Variants in CLVS1 observed in about 807,000 individuals in gnomAD.
CLVS1 encodes clavesin 1.
CLVS1 carries 10 observed loss-of-function variants against 33.1 expected under a neutral mutation model. The ratio of observed to expected loss-of-function variants is 0.30; its 90% CI spans 0.19 to 0.51. CLVS1 has a LOEUF of 0.51. CLVS1 is among the 20% of genes least tolerant of loss of function. The probability of loss-of-function intolerance (pLI) is 0.97; values close to 1 mark genes in which losing one functional copy is unlikely to be tolerated. For synonymous variants in CLVS1, 163 were observed against 166.1 expected, an observed-to-expected ratio of 0.98 and a Z score of 0.14; for missense variants, 343 against 433.4, an observed-to-expected ratio of 0.79 and a Z score of 1.85.
upstream of CLVS1, among the ~76,000 whole-genome samples, chr8:61,283,003 G>T (rs1405165945): frequency 6.6e-6 from 1 of 152,168 alleles, no homozygotes; most frequent in African/African-American, 2.4e-5. Context: ...ATATAGTCTG[G>T]ACAGGAATAT....
chr8:61,154,020 C>T (rs1585648046), intron 2 of CLVS1, among the ~76,000 whole-genome samples: 1 of 152,160 alleles, frequency 6.6e-6, no homozygotes, highest in East Asian at 1.9e-4. Context: ...GACAAAAAAT[C>T]CTATAAATCA....
chr8:61,149,161 A>G (rs1251119520), intron 2 of CLVS1, among the ~76,000 whole-genome samples: 1 of 152,212 alleles, frequency 6.6e-6, no homozygotes, highest in Non-Finnish European at 1.5e-5. Flanking sequence ...GCTGTATCCC[A>G]GGTGCCCAAG....
chr8:61,467,932 GTA>G (rs1463782953), intron 5 of CLVS1, among the ~76,000 whole-genome samples: 1 of 152,174 alleles, frequency 6.6e-6, no homozygotes, highest in African/African-American at 2.4e-5. Flanking sequence ...CCCCCACAGG[GTA>G]TGTGTGTGCA....
intron 2 of CLVS1, among the ~76,000 whole-genome samples, chr8:61,196,948 T>C (rs1318629116): frequency 6.6e-6 from 1 of 152,240 alleles, no homozygotes; most frequent in Non-Finnish European, 1.5e-5. Flanking sequence ...TCCCGGGCTC[T>C]ATCTCTTTTC....
intron 2 of CLVS1, among the ~76,000 whole-genome samples, chr8:61,275,048 G>A (rs183308685): frequency 1.8e-4 from 27 of 151,956 alleles, no homozygotes; most frequent in African/African-American, 6.0e-4. Context: ...TTGACTTCAA[G>A]CCAAAAATTA....
chr8:61,148,842 G>A (rs72654648), intron 2 of CLVS1, among the ~76,000 whole-genome samples: 2 of 152,164 alleles, frequency 1.3e-5, no homozygotes, highest in African/African-American at 4.8e-5. Context: ...TGTGTGTGCC[G>A]ACACATGTGT....
At chr8:61,361,237 G>T (rs531097495) in intron 2 of CLVS1, among the ~76,000 whole-genome samples, 1 of 152,142 alleles carries the variant, frequency 6.6e-6, no homozygotes, top group Admixed American at 6.5e-5. Context: ...AATTCAACAT[G>T]AGATTTGGTG....
At chr8:61,107,288 CT>C (rs1257638201) in intron 1 of CLVS1, among the ~76,000 whole-genome samples, 1 of 152,166 alleles carries the variant, frequency 6.6e-6, no homozygotes, top group African/African-American at 2.4e-5. Context: ...CTAGGAGACC[CT>C]TTTAGTTGGT....
chr8:61,440,595 T>C (rs1816503074), intron 3 of CLVS1, among the ~76,000 whole-genome samples: 1 of 152,236 alleles, frequency 6.6e-6, no homozygotes, highest in South Asian at 2.1e-4. Context: ...GGGAATATTG[T>C]TTAGGTTGCA....
intron 3 of CLVS1, among the ~76,000 whole-genome samples, chr8:61,451,619 C>T (rs1474527657): frequency 2.6e-5 from 4 of 152,054 alleles, no homozygotes; most frequent in Non-Finnish European, 4.4e-5. Context: ...TTAAGAAATG[C>T]TCTTCCAGGA....
At chr8:61,326,174 CTT>C (rs1464064361) in intron 2 of CLVS1, among the ~76,000 whole-genome samples, 2 of 152,148 alleles carry the variant, frequency 1.3e-5, no homozygotes, top group African/African-American at 4.8e-5. Context: ...TGTTTTAAGT[CTT>C]TGTTACAACA....
At chr8:61,085,780 T>C (rs574699175) in intron 1 of CLVS1, among the ~76,000 whole-genome samples, 1 of 150,078 alleles carries the variant, frequency 6.7e-6, no homozygotes, top group African/African-American at 2.5e-5. Context: ...CCAGCACTCT[T>C]TGGGAGGCCG....
Position 61,232,283 on chromosome 8 carries a change from G to A in CLVS1, c.-151-67394G>A, listed in dbSNP as rs185927833. Among the ~76,000 whole-genome samples the A allele has an allele frequency of 7.9e-5, 12 of 151,960 alleles. No individual in the cohort carries two copies. In the East Asian group the frequency reaches 2.3e-3, roughly 29 times the overall value. On this transcript the variant is annotated intron_variant, in intron 2 of 2. Coordinates refer to the CLVS1 transcript ENST00000522621. ...GATCTCCTGACCTCGTGATCCGCCC[G>A]CCTCAGCCTCCCAAAGTGCTGGTAT...
intron 2 of CLVS1, among the ~76,000 whole-genome samples, chr8:61,247,941 A>G (rs1439484541): frequency 1.3e-5 from 2 of 152,144 alleles, no homozygotes; most frequent in East Asian, 1.9e-4. Flanking sequence ...TCTTTAATCC[A>G]TCTTGAATTG....
chr8:61,378,392 A>G (rs1262457403), intron 3 of CLVS1: 2 of 152,214 alleles, frequency 1.3e-5, no homozygotes, highest in Non-Finnish European at 2.9e-5. Context: ...ATCTTACTGA[A>G]TTAATCCATG....
At chr8:61,207,600 G>A (rs149910759) in intron 2 of CLVS1, among the ~76,000 whole-genome samples, 14 of 152,182 alleles carry the variant, frequency 9.2e-5, no homozygotes, top group African/African-American at 2.2e-4. Flanking sequence ...GCTCAACATC[G>A]TACCACAATT....
chr8:61,086,463 T>A (rs1042339586), intron 1 of CLVS1, among the ~76,000 whole-genome samples: 1 of 152,220 alleles, frequency 6.6e-6, no homozygotes, highest in Non-Finnish European at 1.5e-5. Context: ...AAGAACATAC[T>A]TATACTAAAG....
rs1207196833 is a variant in CLVS1 at position 61,499,437 on chromosome 8, T to C, written c.978-18T>C. On this transcript the variant is annotated intron_variant, in intron 5 of 5. Transcript: ENST00000325897. ...TGAATTGTTTGTAATTCTGTCTTTT[T>C]CCCTCCCCTCTTGTTAGATCTCAGT... The C allele has an allele frequency of 1.3e-6, 2 of 1,574,712 alleles. No individual in the cohort carries two copies. The highest frequency in any genetic ancestry group is 1.7e-6 in the Non-Finnish European group (2 of 1,144,282).
intron 2 of CLVS1, chr8:61,202,869 T>A (rs1322883175): frequency 2.2e-6 from 2 of 915,226 alleles, no homozygotes; most frequent in Non-Finnish European, 3.4e-6. Flanking sequence ...ATGATGATGA[T>A]GAAGATGATG....
Sources: gnomAD v4.1 joint callset for allele counts (sites outside exome capture counted in the v4.1 genomes callset) on GRCh38, gnomAD v4.1.1 for gene constraint, MANE v1.5 for transcripts, NCBI Gene and HGNC (gene_info 2026-07-23, HGNC 2026-07-21) for gene names.